LHFPL6: variants seen among roughly 807,000 people sequenced by gnomAD.
LHFPL6 encodes the protein LHFPL tetraspan subfamily member 6 protein.
A neutral mutation model predicts 20.6 loss-of-function variants in LHFPL6; 9 were observed. That is an observed-to-expected ratio of 0.44 (90% CI 0.26 to 0.76). LHFPL6 has a LOEUF of 0.76. LHFPL6 is among the 30% of genes least tolerant of loss of function. LHFPL6 has a pLI of 0.20. For synonymous variants in LHFPL6, 105 were observed against 98.7 expected (o/e 1.06, Z -0.38); for missense variants, 218 against 253.5 (o/e 0.86, Z 0.95).
intron 2 of LHFPL6, among the ~76,000 whole-genome samples, chr13:39,553,630 T>A (rs1490261027): frequency 2.0e-5 from 3 of 152,200 alleles, no homozygotes; most frequent in African/African-American, 7.2e-5. Context: ...AGGTGGCACT[T>A]GAGCCCAGCA....
intron 2 of LHFPL6, among the ~76,000 whole-genome samples, chr13:39,561,908 T>C (rs1315768868): frequency 6.6e-6 from 1 of 152,196 alleles, no homozygotes; most frequent in Non-Finnish European, 1.5e-5. Flanking sequence ...CTCTATGTAA[T>C]AGATGAGAAA....
intron 2 of LHFPL6, among the ~76,000 whole-genome samples, chr13:39,595,118 A>AAAAT (rs773724604): frequency 2.2e-4 from 34 of 152,208 alleles, no homozygotes; most frequent in Middle Eastern, 3.4e-3. Context: ...AAAGTATAAT[A>AAAAT]AAATAAATAA....
At chr13:39,578,557 A>C (rs533025705) in intron 2 of LHFPL6, among the ~76,000 whole-genome samples, 14 of 152,314 alleles carry the variant, frequency 9.2e-5, no homozygotes, top group African/African-American at 3.4e-4. Flanking sequence ...GAAGGAAGGA[A>C]ATTACCAGCA....
chr13:39,489,068 C>A (rs573498024), intron 2 of LHFPL6, among the ~76,000 whole-genome samples: 60 of 152,280 alleles, frequency 3.9e-4, no homozygotes, highest in Non-Finnish European at 7.5e-4. Flanking sequence ...CCCATCTCTC[C>A]TGTTTTACAT....
chr13:39,434,794 C>T (rs184885160), intron 2 of LHFPL6, among the ~76,000 whole-genome samples: 1,698 of 152,244 alleles, frequency 0.011, 14 homozygotes, highest in Non-Finnish European at 0.014. Flanking sequence ...CGGTGGCTCA[C>T]GCCTGTAATC....
intron 2 of LHFPL6, among the ~76,000 whole-genome samples, chr13:39,414,972 A>G (rs574068489): frequency 6.6e-6 from 1 of 152,334 alleles, no homozygotes; most frequent in Non-Finnish European, 1.5e-5. Context: ...GGGGGTGGAC[A>G]TGGTACTTTT....
At chr13:39,519,238 A>AAAAAT (rs61600715) in intron 2 of LHFPL6, among the ~76,000 whole-genome samples, 119,096 of 148,088 alleles carry the variant, frequency 0.8, 47,179 homozygotes, top group African/African-American at 0.85. Flanking sequence ...CTCTGTCTCA[A>AAAAAT]AAAATAAAAA....
chr13:39,429,549 T>C (rs1871733036), intron 2 of LHFPL6, among the ~76,000 whole-genome samples: 1 of 152,230 alleles, frequency 6.6e-6, no homozygotes, highest in Non-Finnish European at 1.5e-5. Context: ...TACATTTTTA[T>C]ACAATCTGAC....
At chr13:39,559,684 G>A (rs1871412000) in intron 2 of LHFPL6, among the ~76,000 whole-genome samples, 1 of 152,182 alleles carries the variant, frequency 6.6e-6, no homozygotes, top group African/African-American at 2.4e-5. Flanking sequence ...AGAAGAACGG[G>A]TGAAAAGTAC....
Position 39,535,480 on chromosome 13 carries a change from T to TA in LHFPL6, c.385+65351dup, listed in dbSNP as rs201811424. On this transcript the variant is annotated intron_variant, in intron 2 of 3. Transcript: ENST00000379589. ...TTTTAAAGATTAATGGCTGGCATTG[T>TA]AAAAAAAATTAAAATGCATTTTTTG... 5.0e-3 allele frequency among the ~76,000 whole-genome samples: 766 copies of TA among 152,240 alleles called. 5 individuals carry two copies. Among genetic ancestry groups the TA allele is most frequent in the Admixed American group, 0.014 (211 of 15,294 alleles).
intron 2 of LHFPL6, among the ~76,000 whole-genome samples, chr13:39,600,231 A>G (rs186057839): frequency 6.6e-6 from 1 of 152,336 alleles, no homozygotes; most frequent in East Asian, 1.9e-4. Flanking sequence ...GCACCCAGGA[A>G]AGTTAAGACC....
intron 2 of LHFPL6, among the ~76,000 whole-genome samples, chr13:39,551,571 A>T (rs1033074993): frequency 4.6e-5 from 7 of 152,150 alleles, no homozygotes; most frequent in African/African-American, 1.7e-4. Context: ...TGCTTTTACT[A>T]TCCTAGCTCC....
At chr13:39,515,217 A>G (rs537499485) in intron 2 of LHFPL6, among the ~76,000 whole-genome samples, 2 of 152,350 alleles carry the variant, frequency 1.3e-5, no homozygotes, top group South Asian at 2.1e-4. Context: ...TCACAAAGCA[A>G]TCCAAGCCAG....
At chr13:39,509,395 T>C (rs1869606376) in intron 2 of LHFPL6, among the ~76,000 whole-genome samples, 1 of 152,176 alleles carries the variant, frequency 6.6e-6, no homozygotes, top group South Asian at 2.1e-4. Flanking sequence ...TTTTCTCTTT[T>C]CTTCTAGAAG....
At chr13:39,407,463 C>T (rs1238979059) in intron 2 of LHFPL6, among the ~76,000 whole-genome samples, 1 of 152,180 alleles carries the variant, frequency 6.6e-6, no homozygotes, top group Non-Finnish European at 1.5e-5. Context: ...ACTAACTATT[C>T]TTGATCCTTC....
At chr13:39,438,257 A>G (rs1872019477) in intron 2 of LHFPL6, among the ~76,000 whole-genome samples, 1 of 152,156 alleles carries the variant, frequency 6.6e-6, no homozygotes, top group Non-Finnish European at 1.5e-5. Flanking sequence ...TTTGAACTTG[A>G]GACTGATGAT....
At chr13:39,442,175 G>T (rs1593314623) in intron 2 of LHFPL6, among the ~76,000 whole-genome samples, 1 of 152,008 alleles carries the variant, frequency 6.6e-6, no homozygotes, top group East Asian at 1.9e-4. Context: ...AGTCTTCTAT[G>T]ATCATGGGAA....
intron 2 of LHFPL6, among the ~76,000 whole-genome samples, chr13:39,488,914 T>C (rs1316836817): frequency 6.6e-6 from 1 of 152,212 alleles, no homozygotes; most frequent in Non-Finnish European, 1.5e-5. Flanking sequence ...TTAGATTCTA[T>C]CTCCTTCATC....
chr13:39,562,619 T>C (rs1368722895), intron 2 of LHFPL6, among the ~76,000 whole-genome samples: 1 of 107,014 alleles, frequency 9.3e-6, no homozygotes, highest in Non-Finnish European at 1.9e-5. Context: ...TATATACACA[T>C]ATATACACAC....
Sources: gnomAD v4.1 joint callset for allele counts (sites outside exome capture counted in the v4.1 genomes callset) on GRCh38, gnomAD v4.1.1 for gene constraint, MANE v1.5 for transcripts, NCBI Gene and HGNC (gene_info 2026-07-23, HGNC 2026-07-21) for gene names.